The following KIAA1328 variants were observed in gnomAD, a reference collection of about 807,000 sequenced individuals.
The protein encoded by KIAA1328 is protein hinderin.
A neutral mutation model predicts 68.1 loss-of-function variants in KIAA1328; 52 were observed. The observed-to-expected ratio is 0.76, with a 90% CI of 0.61 to 0.96. The LOEUF (loss-of-function observed/expected upper bound fraction) is 0.96. Among genes scored for constraint, KIAA1328 ranks in the 40% least tolerant of loss-of-function variants. The pLI is 0.00. For missense variants in KIAA1328, 641 were observed against 677.6 expected, an observed-to-expected ratio of 0.95 and a Z score of 0.60; for synonymous variants, 232 against 239.4, an observed-to-expected ratio of 0.97 and a Z score of 0.28.
At chr18:36,932,113 A>C (rs948219435) in intron 5 of KIAA1328, among the ~76,000 whole-genome samples, 1 of 151,806 alleles carries the variant, frequency 6.6e-6, no homozygotes, top group Non-Finnish European at 1.5e-5. Flanking sequence ...GTTTTCATTG[A>C]AAGTGAGCTT....
intron 3 of KIAA1328, among the ~76,000 whole-genome samples, chr18:36,842,172 C>T (rs142574677): frequency 4.6e-5 from 7 of 152,074 alleles, no homozygotes; most frequent in Admixed American, 2.0e-4. Flanking sequence ...CAGAATAAGT[C>T]GGAATTATTG....
At chr18:36,899,742 T>C (rs1047940819) in intron 5 of KIAA1328, among the ~76,000 whole-genome samples, 1 of 151,934 alleles carries the variant, frequency 6.6e-6, no homozygotes, top group African/African-American at 2.4e-5. Flanking sequence ...AGAAATAGAA[T>C]AAATTGGGAA....
At chr18:37,084,476 GTTT>G (rs1174581418) in intron 7 of KIAA1328, 287 of 130,072 alleles carry the variant, frequency 2.2e-3, no homozygotes, top group Middle Eastern at 6.8e-3. Flanking sequence ...TTTGTTTTTT[GTTT>G]TTTTTTTTTT....
chr18:36,918,676 A>G (rs1243521443), intron 5 of KIAA1328, among the ~76,000 whole-genome samples: 2 of 152,110 alleles, frequency 1.3e-5, no homozygotes, highest in Admixed American at 1.3e-4. Context: ...TGGCCTCCCA[A>G]AGTGCTGGGA....
rs1434175587 is a variant in KIAA1328, at chr18:37,081,669, C to T, written c.1232+14124C>T. On this transcript the variant is annotated intron_variant, in intron 7 of 9. Coordinates refer to ENST00000280020, the MANE Select transcript of KIAA1328 (RefSeq NM_020776.3). Reference sequence around the variant, plus strand: ...AGCCTTTTATAATTTGGAACCACTTCTCTACCCATTTGTCCCACTTTTCCT... The same window carrying T: ...AGCCTTTTATAATTTGGAACCACTTTTCTACCCATTTGTCCCACTTTTCCT... 7.9e-5 allele frequency among the ~76,000 whole-genome samples: 12 copies of T among 152,206 alleles called. No individual in the cohort carries two copies. The East Asian group carries it at 2.3e-3, about 29-fold the overall frequency.
chr18:36,861,414 G>A (rs1381199991), intron 4 of KIAA1328, among the ~76,000 whole-genome samples: 2 of 151,868 alleles, frequency 1.3e-5, no homozygotes, highest in Non-Finnish European at 2.9e-5. Flanking sequence ...AATATCCTGG[G>A]GGAGATCCAT....
At chr18:36,951,148 A>G (rs1014982399) in intron 5 of KIAA1328, among the ~76,000 whole-genome samples, 18 of 152,122 alleles carry the variant, frequency 1.2e-4, no homozygotes, top group Admixed American at 6.6e-4. Context: ...TCCTTTCTCT[A>G]AGAGGCTTTC....
chr18:37,041,939 T>C (rs1199592120), intron 6 of KIAA1328, among the ~76,000 whole-genome samples: 1 of 152,208 alleles, frequency 6.6e-6, no homozygotes, highest in African/African-American at 2.4e-5. Flanking sequence ...TCACCCAGCC[T>C]GGAGTGCAGT....
intron 4 of KIAA1328, among the ~76,000 whole-genome samples, chr18:36,863,913 T>A (rs532952686): frequency 6.6e-6 from 1 of 152,312 alleles, no homozygotes; most frequent in East Asian, 1.9e-4. Context: ...TTGCTGTTTA[T>A]TCTTTGGGAT....
chr18:36,885,629 G>T lies in KIAA1328; in HGVS notation c.405G>T (p.Arg135Ser). The T allele has an allele frequency of 3.1e-6, 5 of 1,600,488 alleles. No homozygotes were observed. The highest frequency in any genetic ancestry group is 4.3e-6 in the Non-Finnish European group (5 of 1,173,282). ...AGGAGTCATTTGAGAAGAAGATCAG[G>T]CAGTTGGAAGAACAGAATGAACTGA... is the stretch of plus-strand genomic sequence containing the variant. ...AEQESFEKKI[R>S]QLEEQNELII... is the part of the protein sequence containing the mutation. Residue 135 changes from arginine to serine, a missense_variant, in exon 5 of 10, where the codon AGG (arginine) becomes AGT (serine). Arg to Ser is a moderately radical substitution (Grantham distance 110). Coordinates refer to ENST00000280020, the MANE Select transcript of KIAA1328 (RefSeq NM_020776.3).
chr18:36,946,203 A>G (rs904552333), intron 5 of KIAA1328: 11 of 152,224 alleles, frequency 7.2e-5, no homozygotes, highest in African/African-American at 2.7e-4. Flanking sequence ...ATTATTTTAC[A>G]TCTCTTATTT....
chr18:36,923,836 A>G (rs2151118795), intron 5 of KIAA1328: 2 of 152,360 alleles, frequency 1.3e-5, no homozygotes, highest in South Asian at 4.1e-4. Context: ...TATGTAGAAC[A>G]TAAAGAACAT....
intron 6 of KIAA1328, among the ~76,000 whole-genome samples, chr18:37,028,429 G>A (rs1210784616): frequency 1.3e-5 from 2 of 151,912 alleles, no homozygotes; most frequent in Non-Finnish European, 2.9e-5. Context: ...GAGCTTTAGG[G>A]CAGAGACTAG....
intron 9 of KIAA1328, among the ~76,000 whole-genome samples, chr18:37,205,323 A>G (rs143586928): frequency 1.8e-4 from 28 of 152,284 alleles, no homozygotes; most frequent in African/African-American, 6.0e-4. Context: ...AAAATGTGAG[A>G]AGGTAAGTTT....
At chr18:36,958,329 C>T (rs2051507974) in intron 5 of KIAA1328, among the ~76,000 whole-genome samples, 1 of 152,076 alleles carries the variant, frequency 6.6e-6, no homozygotes, top group African/African-American at 2.4e-5. Context: ...TAATATTCTT[C>T]AGGACATATT....
chr18:36,936,588 T>C (rs914728513), intron 5 of KIAA1328, among the ~76,000 whole-genome samples: 1 of 152,192 alleles, frequency 6.6e-6, no homozygotes, highest in African/African-American at 2.4e-5. Context: ...TGTTCATGTG[T>C]CTTTATAGTA....
At chr18:37,107,938 A>C (rs2057820259) in intron 7 of KIAA1328, among the ~76,000 whole-genome samples, 1 of 152,158 alleles carries the variant, frequency 6.6e-6, no homozygotes, top group South Asian at 2.1e-4. Flanking sequence ...TGGGAATGTA[A>C]ACGCAGCCAC....
At chr18:36,964,862 C>T (rs1377034503) in intron 6 of KIAA1328, among the ~76,000 whole-genome samples, 1 of 150,112 alleles carries the variant, frequency 6.7e-6, no homozygotes, top group Non-Finnish European at 1.5e-5. Context: ...CATTTTATAG[C>T]CTTTTCTTGT....
At chr18:36,959,470 G>C (rs1365865689) in intron 6 of KIAA1328, 35 bp downstream of exon 6, 2 of 1,590,670 alleles carry the variant, frequency 1.3e-6, no homozygotes, top group South Asian at 1.2e-5. Context: ...CTTGTCTTCA[G>C]TGGATCAGCA....
Sources: allele counts gnomAD v4.1 joint callset (sites outside exome capture counted in the v4.1 genomes callset), GRCh38; gene constraint gnomAD v4.1.1; transcripts MANE v1.5; gene names NCBI Gene and HGNC (gene_info 2026-07-23, HGNC 2026-07-21).